ZMYM2: variants seen among roughly 807,000 people sequenced by gnomAD.
The protein encoded by ZMYM2 is zinc finger MYM-type containing 2, also known as zinc finger MYM-type protein 2.
Under a neutral mutation model 162.8 loss-of-function variants are expected in ZMYM2, and 56 were observed. The ratio of observed to expected loss-of-function variants is 0.34; its 90% CI spans 0.28 to 0.43. The LOEUF is 0.43. Among genes scored for constraint, ZMYM2 ranks in the 20% least tolerant of loss-of-function variants. The probability of loss-of-function intolerance (pLI) is 1.00; values close to 1 mark genes in which losing one functional copy is unlikely to be tolerated. For missense variants in ZMYM2, 1,275 were observed against 1,621.8 expected (o/e 0.79, Z 3.67); for synonymous variants, 510 against 541.6 (o/e 0.94, Z 0.81).
At chr13:20,002,350 A>G (rs769943006) in intron 3 of ZMYM2, among the ~76,000 whole-genome samples, 9 of 152,144 alleles carry the variant, frequency 5.9e-5, no homozygotes, top group Non-Finnish European at 1.2e-4. Context: ...ATGCTTTATT[A>G]TATGTCTTAC....
At chr13:19,977,410 A>G (rs1462725423) in intron 2 of ZMYM2, among the ~76,000 whole-genome samples, 8 of 151,344 alleles carry the variant, frequency 5.3e-5, no homozygotes, top group African/African-American at 9.7e-5. Context: ...AATTTAATCT[A>G]TTTATGTCTA....
At chr13:19,951,931 C>T in the ZMYM2 span, among the ~76,000 whole-genome samples, 695 of 152,216 alleles carry the variant, frequency 4.6e-3, 9 homozygotes, top group African/African-American at 0.015. Flanking sequence ...GTGGTGCCTA[C>T]ACTCTCATGT....
At chr13:20,022,300 GTGTT>G (rs1341506650) in intron 7 of ZMYM2, among the ~76,000 whole-genome samples, 1 of 152,120 alleles carries the variant, frequency 6.6e-6, no homozygotes, top group Non-Finnish European at 1.5e-5. Flanking sequence ...CCCTCAATTC[GTGTT>G]TGTTTGATAG....
the ZMYM2 span, among the ~76,000 whole-genome samples, chr13:19,890,505 T>TGAAAAAAA: frequency 1.0e-5 from 1 of 98,458 alleles, no homozygotes; most frequent in Non-Finnish European, 1.8e-5. Context: ...AGTGCTTTTG[T>TGAAAAAAA]AAAAAAAAAA....
At chr13:19,912,292 G>GT in the ZMYM2 span, among the ~76,000 whole-genome samples, 3,032 of 75,640 alleles carry the variant, frequency 0.04, 43 homozygotes, top group Non-Finnish European at 0.044. Context: ...TGTTTTTTGG[G>GT]TTTTTTTTTT....
chr13:19,898,701 G>A, the ZMYM2 span, among the ~76,000 whole-genome samples: 6 of 152,098 alleles, frequency 3.9e-5, no homozygotes, highest in Non-Finnish European at 8.8e-5. Flanking sequence ...CAGCATGGGA[G>A]GATTATTTGA....
the ZMYM2 span, among the ~76,000 whole-genome samples, chr13:19,870,956 G>C: frequency 6.6e-6 from 1 of 152,022 alleles, no homozygotes; most frequent in Non-Finnish European, 1.5e-5. Context: ...GAAGTCATTA[G>C]AAGCAAGTCA....
intron 2 of ZMYM2, among the ~76,000 whole-genome samples, chr13:19,961,289 A>G (rs190595818): frequency 2.6e-5 from 4 of 152,328 alleles, no homozygotes; most frequent in Admixed American, 2.6e-4. Flanking sequence ...TGATGTTGAT[A>G]ACCACAGTTA....
chr13:19,917,535 A>G, the ZMYM2 span, among the ~76,000 whole-genome samples: 1 of 150,618 alleles, frequency 6.6e-6, no homozygotes, highest in Non-Finnish European at 1.5e-5. Context: ...GGTTGCAGTG[A>G]GCCGAGATTG....
intron 7 of ZMYM2, chr13:20,024,492 C>G: frequency 4.6e-6 from 1 of 219,460 alleles, no homozygotes; most frequent in Non-Finnish European, 9.1e-6. Flanking sequence ...TACATGGAGG[C>G]CTTCTACAGA....
chr13:20,049,316 A>G (rs1955101020), intron 12 of ZMYM2, among the ~76,000 whole-genome samples: 1 of 151,916 alleles, frequency 6.6e-6, no homozygotes, highest in Admixed American at 6.6e-5. Flanking sequence ...GGGAGCTTCA[A>G]GTGTTGATTC....
In ZMYM2 at chr13:19,958,791, G is replaced by T. The variant is rs1179666665; in HGVS notation, c.-130G>T. 1 of 152,962 alleles carries T rather than the reference G, an allele frequency of 6.5e-6. No individual in the cohort carries two copies. The highest frequency in any genetic ancestry group is 6.5e-5 in the Admixed American group (1 of 15,292). The allele number at this position is 152,962 out of a possible 1,614,324, so 9.5% of individuals were successfully genotyped here. ...GGAGTTGTGCGTGTCGCCGAAGGGG[G>T]GTGGGCCGGGGGAGGGGAGGTTCGT... On this transcript the variant is annotated 5_prime_UTR_variant, in exon 1 of 25. Coordinates refer to ENST00000610343, the MANE Select transcript of ZMYM2 (RefSeq NM_197968.4).
intron 21 of ZMYM2, among the ~76,000 whole-genome samples, chr13:20,075,968 T>G (rs745717489): frequency 4.0e-5 from 6 of 150,928 alleles, no homozygotes; most frequent in Non-Finnish European, 8.8e-5. Context: ...AGTTCTAGGA[T>G]TACAGGCATG....
chr13:20,083,079 T>G (rs945774642), intron 23 of ZMYM2, 47 bp downstream of exon 23: 1 of 1,484,340 alleles, frequency 6.7e-7, no homozygotes, highest in African/African-American at 1.4e-5. Context: ...AAATTTTTTT[T>G]GAGACAGAGT....
chr13:19,885,979 A>ATG, the ZMYM2 span, among the ~76,000 whole-genome samples: 314 of 34,070 alleles, frequency 9.2e-3, 114 homozygotes, highest in Non-Finnish European at 0.01. Context: ...ACACATATAT[A>ATG]TGTATATACA....
intron 12 of ZMYM2, among the ~76,000 whole-genome samples, chr13:20,048,542 C>G (rs1955027899): frequency 6.6e-6 from 1 of 151,856 alleles, no homozygotes. Flanking sequence ...TTTTCGTATT[C>G]ATGGTTCTCC....
intron 2 of ZMYM2, among the ~76,000 whole-genome samples, chr13:19,990,025 G>C (rs542517758): frequency 1.1e-3 from 163 of 152,140 alleles, no homozygotes; most frequent in South Asian, 2.5e-3. Context: ...TTTGCTTCCA[G>C]TTTTTCCCTC....
intron 2 of ZMYM2, among the ~76,000 whole-genome samples, chr13:19,986,714 A>C (rs1324148615): frequency 6.6e-6 from 1 of 152,198 alleles, no homozygotes; most frequent in Non-Finnish European, 1.5e-5. Context: ...AATAACTAAC[A>C]TTCTTTTAAT....
chr13:20,058,626 G>A lies in ZMYM2; in HGVS notation c.2545G>A (p.Ala849Thr), dbSNP rs1955991102. 1.9e-6 allele frequency: 3 copies of A among 1,613,662 alleles called. No individual in the cohort carries two copies. The change falls in exon 15 of 25, where the codon GCA (alanine) becomes ACA (threonine). Residue 849 changes from alanine to threonine, a missense_variant. This residue lies in a region of ZMYM2 where 177 missense variants were observed against 228.0 expected (regional missense o/e 0.78). Coordinates refer to ENST00000610343, the MANE Select transcript of ZMYM2 (RefSeq NM_197968.4). ...PTPNKEMKNK[A>T]VLCKPLTMTK... The stretch of plus-strand genomic sequence containing the variant: ...ACCTAACAAAGAGATGAAGAACAAA[G>A]CAGTTCTTTGCAAACCTTTAACAAT...
Sources: allele counts gnomAD v4.1 joint callset (sites outside exome capture counted in the v4.1 genomes callset), GRCh38; gene constraint gnomAD v4.1.1; regional missense constraint gnomAD v4.1.1; transcripts MANE v1.5; gene names NCBI Gene and HGNC (gene_info 2026-07-23, HGNC 2026-07-21).